ELMO1: variants seen among roughly 807,000 people sequenced by gnomAD.
ELMO1 encodes the protein engulfment and cell motility protein 1.
ELMO1 carries 26 observed loss-of-function variants against 98.9 expected under a neutral mutation model. The observed-to-expected ratio is 0.26, with a 90% CI of 0.19 to 0.36. ELMO1 has a LOEUF of 0.36. Ranked by LOEUF, ELMO1 falls within the 10% of genes least tolerant of loss-of-function variation. The probability of loss-of-function intolerance (pLI) is 1.00; values close to 1 mark genes in which losing one functional copy is unlikely to be tolerated. For synonymous variants in ELMO1, 346 were observed against 346.0 expected, an observed-to-expected ratio of 1.00 and a Z score of 0.00; for missense variants, 627 against 935.2, an observed-to-expected ratio of 0.67 and a Z score of 4.30.
At chr7:37,154,850 A>G (rs1464005244) in intron 13 of ELMO1, among the ~76,000 whole-genome samples, 2 of 152,236 alleles carry the variant, frequency 1.3e-5, no homozygotes, top group African/African-American at 4.8e-5. Flanking sequence ...CAACCCCAAG[A>G]CACATAATTG....
At chr7:37,283,281 C>G (rs2717977) in intron 4 of ELMO1, among the ~76,000 whole-genome samples, 57,399 of 152,026 alleles carry the variant, frequency 0.38, 11,962 homozygotes, top group Middle Eastern at 0.53. Flanking sequence ...ACATGCACAA[C>G]CAGATGTCCA....
At chr7:36,915,995 C>A (rs556575834) in intron 16 of ELMO1, among the ~76,000 whole-genome samples, 3 of 152,166 alleles carry the variant, frequency 2.0e-5, no homozygotes, top group Admixed American at 6.5e-5. Flanking sequence ...TGGGAGCTGG[C>A]GAGCTCAGGG....
chr7:37,133,135 T>C lies in ELMO1; in HGVS notation c.1186A>G (p.Ile396Val), dbSNP rs751847028. ...AAAAGGGGCTTCTTGCTTACCCGGA[T>C]GTAGGCATCTTGGTGGTGCTTGGCA... ...YFAKHHQDAY[I>V]RIVLENSSRE... Residue 396 changes from isoleucine (I) to valine (V), a missense_variant, in exon 14 of 22, where the codon ATC becomes GTC. Transcript: ENST00000310758. 2.5e-6 allele frequency: 4 copies of C among 1,608,700 alleles called. No individual in the cohort carries two copies. The highest frequency in any genetic ancestry group is 3.4e-6 in the Non-Finnish European group (4 of 1,177,728).
Position 37,416,537 on chromosome 7 carries a change from G to A in ELMO1, c.-74+32138C>T, listed in dbSNP as rs932992503. 2.0e-5 allele frequency among the ~76,000 whole-genome samples: 3 copies of A among 152,158 alleles called. No homozygotes were observed. The East Asian group carries it at 5.8e-4, about 29-fold the overall frequency. On this transcript the variant is annotated intron_variant, in intron 1 of 21. Transcript: ENST00000310758. ...ACGCACAGACCACAGTATGAATGATGCCCCTGGAACTGGATAATGCATAAT... is the reference window on the plus strand; with the variant it reads ...ACGCACAGACCACAGTATGAATGATACCCCTGGAACTGGATAATGCATAAT...
intron 14 of ELMO1, among the ~76,000 whole-genome samples, chr7:37,099,904 C>T (rs1243002789): frequency 6.6e-6 from 1 of 151,218 alleles, no homozygotes; most frequent in Non-Finnish European, 1.5e-5. Flanking sequence ...ATAATCTCGG[C>T]TCGCTGCAAC....
chr7:37,378,790 A>G (rs1343132326), intron 1 of ELMO1, among the ~76,000 whole-genome samples: 1 of 152,080 alleles, frequency 6.6e-6, no homozygotes, highest in Non-Finnish European at 1.5e-5. Flanking sequence ...CAAAACTAAC[A>G]GATCCGACCT....
intron 4 of ELMO1, among the ~76,000 whole-genome samples, chr7:37,309,629 CG>C (rs1448027506): frequency 6.6e-6 from 1 of 152,188 alleles, no homozygotes; most frequent in African/African-American, 2.4e-5. Flanking sequence ...CTTTCCTGGG[CG>C]TGAGTTTGCT....
chr7:37,182,709 T>C (rs1255499850), intron 13 of ELMO1, among the ~76,000 whole-genome samples: 1 of 152,058 alleles, frequency 6.6e-6, no homozygotes, highest in Non-Finnish European at 1.5e-5. Context: ...GCCAAGAGGC[T>C]TGGGAATGAT....
chr7:37,132,680 C>T (rs944349888), intron 14 of ELMO1, among the ~76,000 whole-genome samples: 7 of 152,168 alleles, frequency 4.6e-5, no homozygotes, highest in African/African-American at 1.2e-4. Context: ...TAGAATTTGA[C>T]GAGTCTGACG....
intron 15 of ELMO1, among the ~76,000 whole-genome samples, chr7:37,022,022 A>T (rs1233218668): frequency 6.6e-6 from 1 of 152,194 alleles, no homozygotes; most frequent in Admixed American, 6.5e-5. Context: ...AAGGAATTTC[A>T]ATTGGTTGAA....
intron 16 of ELMO1, among the ~76,000 whole-genome samples, chr7:36,926,507 T>G (rs1264014170): frequency 1.3e-5 from 2 of 152,106 alleles, no homozygotes; most frequent in Non-Finnish European, 2.9e-5. Flanking sequence ...CCCCCCCAAC[T>G]GAGGTTGGAG....
In ELMO1 at chr7:36,855,977, T is replaced by C. The variant is rs1006757573; in HGVS notation, c.1984-226A>G. 6.6e-6 allele frequency among the ~76,000 whole-genome samples: 1 copy of C among 152,248 alleles called. No homozygotes were observed. Among genetic ancestry groups the C allele is most frequent in the Non-Finnish European group, 1.5e-5 (1 of 68,032 alleles). Reference sequence around the variant, plus strand: ...GGTACAGAGAAGTGACTCAGTATTATGTAGACCGGGTGGGATTTGAACCCA... The same window carrying C: ...GGTACAGAGAAGTGACTCAGTATTACGTAGACCGGGTGGGATTTGAACCCA... On this transcript the variant is annotated intron_variant, in intron 21 of 21. Transcript: ENST00000310758. The surrounding 1 kb of genome is among the most constrained non-coding windows in gnomAD (Gnocchi z 4.2).
intron 15 of ELMO1, among the ~76,000 whole-genome samples, chr7:37,045,291 G>A (rs892306711): frequency 2.6e-5 from 4 of 152,176 alleles, no homozygotes; most frequent in Non-Finnish European, 5.9e-5. Flanking sequence ...GCTGTAAGAT[G>A]TTAATAACAG....
In ELMO1 at chr7:36,957,115, A is replaced by G. The variant is rs114342853; in HGVS notation, c.1437+56184T>C. 7.1e-3 allele frequency among the ~76,000 whole-genome samples: 1,081 copies of G among 152,382 alleles called. 21 individuals are homozygous for G. Among genetic ancestry groups the G allele is most frequent in the African/African-American group, 0.025 (1,019 of 41,588 alleles). On this transcript the variant is annotated intron_variant, in intron 16 of 21. Coordinates refer to ENST00000310758, the MANE Select transcript of ELMO1 (RefSeq NM_014800.11). Reference sequence around the variant, plus strand: ...CCAATGTAAATATGAAGTGCTCTCCATGAAAACAGTATTTGTGGAAGCATT... The same window carrying G: ...CCAATGTAAATATGAAGTGCTCTCCGTGAAAACAGTATTTGTGGAAGCATT...
intron 1 of ELMO1, among the ~76,000 whole-genome samples, chr7:37,432,468 T>C (rs1208683933): frequency 6.6e-6 from 1 of 152,234 alleles, no homozygotes; most frequent in Non-Finnish European, 1.5e-5. Flanking sequence ...ATGTGTGTGC[T>C]ACTTGGCTTA....
chr7:37,058,091 T>C (rs1379631264), intron 15 of ELMO1, among the ~76,000 whole-genome samples: 2 of 152,220 alleles, frequency 1.3e-5, no homozygotes, highest in Admixed American at 6.5e-5. Flanking sequence ...AGTGCATGCA[T>C]GTACACTCAC....
At chr7:37,172,462 C>T (rs994937464) in intron 13 of ELMO1, among the ~76,000 whole-genome samples, 1 of 152,178 alleles carries the variant, frequency 6.6e-6, no homozygotes, top group Non-Finnish European at 1.5e-5. Flanking sequence ...AGACATCCTT[C>T]ATTTCATTTC....
intron 13 of ELMO1, among the ~76,000 whole-genome samples, chr7:37,165,976 T>C (rs1471667096): frequency 6.6e-6 from 1 of 152,202 alleles, no homozygotes; most frequent in Non-Finnish European, 1.5e-5. Flanking sequence ...CTGGACTCTT[T>C]TTGGTTGGCC....
At chr7:37,182,462 C>CTTT (rs59657539) in intron 13 of ELMO1, among the ~76,000 whole-genome samples, 4 of 14,706 alleles carry the variant, frequency 2.7e-4, no homozygotes, top group East Asian at 2.3e-3. Context: ...TTGTGCTCTA[C>CTTT]TTTTTTTTTT....
Sources: allele counts gnomAD v4.1 joint callset (sites outside exome capture counted in the v4.1 genomes callset), GRCh38; gene constraint gnomAD v4.1.1; non-coding constraint Gnocchi (gnomAD v3.1); transcripts MANE v1.5; gene names NCBI Gene and HGNC (gene_info 2026-07-23, HGNC 2026-07-21).